The following GRID2 variants were observed in gnomAD, a reference collection of about 807,000 sequenced individuals.
GRID2 encodes the protein glutamate ionotropic receptor delta type subunit 2.
Under a neutral mutation model 114.8 loss-of-function variants are expected in GRID2, and 33 were observed. The observed-to-expected ratio is 0.29, with a 90% confidence interval of 0.22 to 0.38. The LOEUF is 0.38. Ranked by LOEUF, GRID2 falls within the 10% of genes least tolerant of loss-of-function variation. GRID2 has a pLI of 1.00. For missense variants in GRID2, 1,184 were observed against 1,257.7 expected (o/e 0.94, Z 0.89); for synonymous variants, 505 against 449.9 (o/e 1.12, Z -1.55).
intron 2 of GRID2, among the ~76,000 whole-genome samples, chr4:92,783,592 A>G (rs956350675): frequency 7.9e-5 from 12 of 152,084 alleles, no homozygotes; most frequent in African/African-American, 2.7e-4. Context: ...TCTAAAACAA[A>G]TACACAAAAG....
intron 14 of GRID2, among the ~76,000 whole-genome samples, chr4:93,632,988 G>A (rs2018637): frequency 0.12 from 18,115 of 152,056 alleles, 1,120 homozygotes; most frequent in Middle Eastern, 0.14. Flanking sequence ...AATTGTGAAT[G>A]GGAGTTCACT....
At chr4:92,515,927 T>A (rs186030885) in intron 1 of GRID2, among the ~76,000 whole-genome samples, 2,558 of 152,044 alleles carry the variant, frequency 0.017, 46 homozygotes, top group Admixed American at 0.058. Flanking sequence ...TAGATTTTTT[T>A]AAAAAATTGA....
chr4:92,995,308 G>A (rs1755134189), intron 2 of GRID2, among the ~76,000 whole-genome samples: 1 of 152,058 alleles, frequency 6.6e-6, no homozygotes, highest in Non-Finnish European at 1.5e-5. Flanking sequence ...TTAAAAATGT[G>A]TTTGTGCATT....
At chr4:93,001,685 AAG>A (rs1441739831) in intron 2 of GRID2, among the ~76,000 whole-genome samples, 35 of 151,850 alleles carry the variant, frequency 2.3e-4, no homozygotes, top group African/African-American at 8.4e-4. Flanking sequence ...GGTTAAAGGA[AAG>A]AGAGGGAAGC....
intron 8 of GRID2, among the ~76,000 whole-genome samples, chr4:93,304,113 C>T (rs1755161677): frequency 6.6e-6 from 1 of 151,232 alleles, no homozygotes; most frequent in Non-Finnish European, 1.5e-5. Context: ...CACTGATCCA[C>T]TTAGAAGAAA....
chr4:92,449,316 C>T (rs1282752693), intron 1 of GRID2, among the ~76,000 whole-genome samples: 4 of 152,002 alleles, frequency 2.6e-5, no homozygotes, highest in Non-Finnish European at 5.9e-5. Flanking sequence ...GATAGGGAAA[C>T]ATCCAGTACA....
chr4:92,388,720 C>G (rs1730098110), intron 1 of GRID2, among the ~76,000 whole-genome samples: 1 of 152,012 alleles, frequency 6.6e-6, no homozygotes, highest in Non-Finnish European at 1.5e-5. Flanking sequence ...TAATCAGTTC[C>G]TGAATCCTTG....
chr4:92,896,556 T>TTATA (rs201766302), intron 2 of GRID2, among the ~76,000 whole-genome samples: 122 of 147,716 alleles, frequency 8.3e-4, no homozygotes, highest in African/African-American at 2.5e-3. Flanking sequence ...TTTTATAATA[T>TTATA]TATATATATA....
chr4:93,711,748 C>T (rs1434205970), intron 14 of GRID2, among the ~76,000 whole-genome samples: 2 of 152,196 alleles, frequency 1.3e-5, no homozygotes, highest in East Asian at 3.9e-4. Context: ...TCCATCTGCA[C>T]CACATGGCTG....
rs531000900 is a variant in GRID2, at chr4:93,434,779, A to G, written c.1545+11811A>G. Among the ~76,000 whole-genome samples, 34 of 152,226 alleles carry G rather than the reference A, an allele frequency of 2.2e-4. No homozygotes were observed. The South Asian group carries it at 7.0e-3, about 32-fold the overall frequency. On this transcript the variant is annotated intron_variant, in intron 10 of 15. Coordinates refer to ENST00000282020, the MANE Select transcript of GRID2 (RefSeq NM_001510.4). ...GGTTTCCATCCCACTCAGAGTAAAA[A>G]CTGTCCTTAAAATTGTCTACATAAT...
At chr4:92,907,370 G>C (rs1748034467) in intron 2 of GRID2, among the ~76,000 whole-genome samples, 1 of 152,048 alleles carries the variant, frequency 6.6e-6, no homozygotes, top group Non-Finnish European at 1.5e-5. Flanking sequence ...GTACCTCTTA[G>C]AATATTATCT....
intron 2 of GRID2, among the ~76,000 whole-genome samples, chr4:92,921,388 T>G (rs1361578530): frequency 3.3e-5 from 5 of 152,180 alleles, no homozygotes; most frequent in East Asian, 1.9e-4. Flanking sequence ...TCCATTGCTG[T>G]TGAGGAGCTG....
Position 93,377,333 on chromosome 4 carries a change from A to G in GRID2, c.1246-18274A>G, listed in dbSNP as rs550618485. On this transcript the variant is annotated intron_variant, in intron 8 of 15. Coordinates refer to ENST00000282020, the MANE Select transcript of GRID2 (RefSeq NM_001510.4). ...TCACTAAAAGAAGATATGTCTTTTT[A>G]GTTGTTTTGCCTGAGTTATGATGAG... 2.0e-4 allele frequency among the ~76,000 whole-genome samples: 31 copies of G among 152,240 alleles called. 1 individual carries two copies. In the South Asian group the frequency reaches 6.4e-3, roughly 32 times the overall value.
chr4:92,775,965 G>T (rs773715881), intron 2 of GRID2, among the ~76,000 whole-genome samples: 1 of 152,088 alleles, frequency 6.6e-6, no homozygotes, highest in Non-Finnish European at 1.5e-5. Context: ...AATTCTGCAG[G>T]TAGATTGTCA....
At chr4:93,302,214 T>A (rs1190396026) in intron 8 of GRID2, among the ~76,000 whole-genome samples, 1 of 152,240 alleles carries the variant, frequency 6.6e-6, no homozygotes, top group Non-Finnish European at 1.5e-5. Context: ...ATTTTATACA[T>A]GCTGTTCAAA....
At chr4:92,746,363 GAA>G (rs1737149430) in intron 2 of GRID2, among the ~76,000 whole-genome samples, 6 of 152,004 alleles carry the variant, frequency 3.9e-5, no homozygotes, top group African/African-American at 1.4e-4. Flanking sequence ...CAAAGATTTA[GAA>G]AGAAAATTTA....
At chr4:93,243,495 A>C (rs1038109541) in intron 8 of GRID2, among the ~76,000 whole-genome samples, 1 of 152,018 alleles carries the variant, frequency 6.6e-6, no homozygotes, top group Non-Finnish European at 1.5e-5. Flanking sequence ...GTCAGTGTTT[A>C]TTCTGCTGCC....
At chr4:93,342,462 TC>T (rs1194507444) in intron 8 of GRID2, among the ~76,000 whole-genome samples, 1 of 152,100 alleles carries the variant, frequency 6.6e-6, no homozygotes, top group East Asian at 1.9e-4. Context: ...TTATTATCAT[TC>T]CCCCTCCTAA....
chr4:92,475,460 G>C (rs1722259894), intron 1 of GRID2, among the ~76,000 whole-genome samples: 1 of 151,360 alleles, frequency 6.6e-6, no homozygotes, highest in Admixed American at 6.6e-5. Flanking sequence ...TTGACATCTT[G>C]GTCAAAAATC....
Sources: gnomAD v4.1 joint callset for allele counts (sites outside exome capture counted in the v4.1 genomes callset) on GRCh38, gnomAD v4.1.1 for gene constraint, MANE v1.5 for transcripts, NCBI Gene and HGNC (gene_info 2026-07-23, HGNC 2026-07-21) for gene names.